Variants in WDR72 observed in about 807,000 individuals in gnomAD.
The protein encoded by WDR72 is WD repeat domain 72, also known as WD repeat-containing protein 72.
A neutral mutation model predicts 124.2 loss-of-function variants in WDR72; 120 were observed. That is an observed-to-expected ratio of 0.97 (90% CI 0.83 to 1.12). The LOEUF (loss-of-function observed/expected upper bound fraction) is 1.12, where lower values mean the gene tolerates loss of function less well. WDR72 is among the 50% of genes most tolerant of loss of function. The pLI, the probability that WDR72 is intolerant of heterozygous loss-of-function variation, is 0.00. For missense variants in WDR72, 1,387 were observed against 1,278.8 expected (o/e 1.08, Z -1.29); for synonymous variants, 452 against 441.7 (o/e 1.02, Z -0.29).
intron 1 of WDR72, among the ~76,000 whole-genome samples, chr15:53,744,127 C>G (rs571761554): frequency 1.3e-5 from 2 of 152,182 alleles, no homozygotes; most frequent in Admixed American, 1.3e-4. Flanking sequence ...ATAACCAACA[C>G]TCTATTGTGA....
intron 18 of WDR72, among the ~76,000 whole-genome samples, chr15:53,567,796 T>C (rs1047737448): frequency 7.9e-5 from 12 of 151,826 alleles, no homozygotes; most frequent in Admixed American, 7.9e-4. Flanking sequence ...AAAAATCTAG[T>C]GTGTACCAGA....
chr15:53,593,540 T>C (rs533164383), intron 18 of WDR72, among the ~76,000 whole-genome samples: 24 of 152,116 alleles, frequency 1.6e-4, no homozygotes, highest in African/African-American at 5.8e-4. Context: ...GGTGGGCAGA[T>C]TGCTGGAGCT....
intron 2 of WDR72, among the ~76,000 whole-genome samples, chr15:53,731,088 T>C (rs1197596166): frequency 6.6e-6 from 1 of 152,184 alleles, no homozygotes; most frequent in Non-Finnish European, 1.5e-5. Flanking sequence ...TGTAATTAAC[T>C]TTTGCACAAT....
intron 18 of WDR72, among the ~76,000 whole-genome samples, chr15:53,552,596 G>A (rs1223427880): frequency 2.0e-5 from 3 of 152,128 alleles, no homozygotes; most frequent in Non-Finnish European, 4.4e-5. Flanking sequence ...CTCTATTGGA[G>A]TGGGTTTTAA....
At chr15:53,759,930 G>C (rs1249979156), upstream of WDR72, among the ~76,000 whole-genome samples, 1 of 151,866 alleles carries the variant, frequency 6.6e-6, no homozygotes, top group East Asian at 1.9e-4. Flanking sequence ...CAGGGCTGGA[G>C]AGAATTAGTT....
chr15:53,527,749 A>T (rs1892208326), intron 18 of WDR72, among the ~76,000 whole-genome samples: 1 of 152,086 alleles, frequency 6.6e-6, no homozygotes, highest in South Asian at 2.1e-4. Flanking sequence ...AATCTTAATT[A>T]CACATTAATC....
chr15:53,546,867 C>T (rs1200088663), intron 18 of WDR72, among the ~76,000 whole-genome samples: 1 of 152,048 alleles, frequency 6.6e-6, no homozygotes, highest in Non-Finnish European at 1.5e-5. Flanking sequence ...AATGCTCAGT[C>T]TATACAAATT....
intron 14 of WDR72, among the ~76,000 whole-genome samples, chr15:53,619,305 T>C (rs2013895179): frequency 6.7e-6 from 1 of 149,598 alleles, no homozygotes; most frequent in African/African-American, 2.5e-5. Context: ...TGAAATGTGA[T>C]CAGTGAGAAT....
chr15:53,577,994 T>C (rs1000768270), intron 18 of WDR72, among the ~76,000 whole-genome samples: 2 of 152,204 alleles, frequency 1.3e-5, no homozygotes, highest in African/African-American at 2.4e-5. Flanking sequence ...AGTGGGTATC[T>C]GCTTTCAAAA....
chr15:53,719,447 C>T (rs1164679545), intron 3 of WDR72, among the ~76,000 whole-genome samples: 19 of 152,094 alleles, frequency 1.2e-4, no homozygotes, highest in Admixed American at 1.0e-3. Flanking sequence ...AAGCCCAGAG[C>T]GGTTTACTTC....
intron 9 of WDR72, among the ~76,000 whole-genome samples, chr15:53,709,971 T>A (rs2017487196): frequency 6.6e-6 from 1 of 152,204 alleles, no homozygotes; most frequent in African/African-American, 2.4e-5. Context: ...CGTTTATGGA[T>A]AATTAACTGA....
chr15:53,629,638 T>C (rs909742202), intron 14 of WDR72, among the ~76,000 whole-genome samples: 2 of 152,128 alleles, frequency 1.3e-5, no homozygotes, highest in African/African-American at 4.8e-5. Flanking sequence ...GGCAAAAAGA[T>C]CTTGAGAAAT....
At chr15:53,718,915 A>T (rs1013798212) in intron 3 of WDR72, among the ~76,000 whole-genome samples, 5 of 152,112 alleles carry the variant, frequency 3.3e-5, no homozygotes, top group Non-Finnish European at 5.9e-5. Context: ...AGTGTCTACG[A>T]CATATAACAT....
intron 17 of WDR72, among the ~76,000 whole-genome samples, chr15:53,600,990 CT>C (rs2013019724): frequency 6.6e-6 from 1 of 152,132 alleles, no homozygotes; most frequent in Admixed American, 6.6e-5. Context: ...TTAATTCATT[CT>C]TCCCCCAACC....
At chr15:53,752,442 G>A (rs1374124212) in intron 1 of WDR72, among the ~76,000 whole-genome samples, 4 of 152,150 alleles carry the variant, frequency 2.6e-5, no homozygotes, top group Admixed American at 2.0e-4. Context: ...CACACACACA[G>A]AGAAAGTCAG....
chr15:53,758,453 G>A (rs1294405925), intron 1 of WDR72, among the ~76,000 whole-genome samples: 2 of 151,878 alleles, frequency 1.3e-5, no homozygotes, highest in African/African-American at 4.8e-5. Context: ...TTCTCCTACA[G>A]CCTTTTACAT....
At chr15:53,619,016 G>T (rs527459211) in intron 14 of WDR72, among the ~76,000 whole-genome samples, 1 of 151,670 alleles carries the variant, frequency 6.6e-6, no homozygotes, top group African/African-American at 2.4e-5. Context: ...TCCTTAAATT[G>T]CCCATTGAGT....
intron 17 of WDR72, among the ~76,000 whole-genome samples, chr15:53,597,578 A>G (rs945243454): frequency 1.3e-5 from 2 of 151,966 alleles, no homozygotes; most frequent in African/African-American, 4.8e-5. Flanking sequence ...TATTTTTCCT[A>G]TTTTCATTTC....
At chr15:53,672,117 T>C (rs2016012632) in intron 13 of WDR72, among the ~76,000 whole-genome samples, 1 of 152,032 alleles carries the variant, frequency 6.6e-6, no homozygotes, top group Admixed American at 6.6e-5. Context: ...CACTTTCTGA[T>C]AAAATTAACT....
Sources: gnomAD v4.1 joint callset for allele counts (sites outside exome capture counted in the v4.1 genomes callset) on GRCh38, gnomAD v4.1.1 for gene constraint, MANE v1.5 for transcripts, NCBI Gene and HGNC (gene_info 2026-07-23, HGNC 2026-07-21) for gene names.